Variants in NLRP5 observed in about 807,000 individuals in gnomAD.
NLRP5 encodes NLR family pyrin domain containing 5.
NLRP5 carries 93 observed loss-of-function variants against 113.1 expected under a neutral mutation model. The ratio of observed to expected loss-of-function variants is 0.82; its 90% CI spans 0.70 to 0.98. The LOEUF (loss-of-function observed/expected upper bound fraction) is 0.98. Ranked by LOEUF, NLRP5 falls within the 50% of genes least tolerant of loss-of-function variation. The pLI is 0.00. For synonymous variants in NLRP5, 751 were observed against 600.7 expected (o/e 1.25, Z -3.66); for missense variants, 1,808 against 1,514.3 (o/e 1.19, Z -3.22).
At chr19:56,043,236 G>A (rs186347898) in intron 11 of NLRP5, among the ~76,000 whole-genome samples, 4 of 152,176 alleles carry the variant, frequency 2.6e-5, no homozygotes, top group African/African-American at 4.8e-5. Context: ...GAGTGGATGC[G>A]TTCCCTGATC....
intron 13 of NLRP5, among the ~76,000 whole-genome samples, chr19:56,054,166 A>AT (rs1173940634): frequency 2.0e-5 from 3 of 152,180 alleles, no homozygotes; most frequent in Non-Finnish European, 2.9e-5. Flanking sequence ...AAAGCAAGTG[A>AT]TTACCTGAGT....
the NLRP5 span, chr19:55,988,094 A>G: frequency 5.4e-6 from 3 of 555,888 alleles, no homozygotes; most frequent in Admixed American, 5.6e-5. Flanking sequence ...CCCTGTGTGT[A>G]TTAATATGCT....
chr19:56,022,527 C>G (rs1041288585), intron 6 of NLRP5, among the ~76,000 whole-genome samples: 30 of 152,138 alleles, frequency 2.0e-4, no homozygotes, highest in Admixed American at 1.3e-4. Context: ...CTACGCCCAG[C>G]CAATCCCTAC....
the NLRP5 span, among the ~76,000 whole-genome samples, chr19:55,986,775 A>C: frequency 6.6e-6 from 1 of 151,570 alleles, no homozygotes; most frequent in Non-Finnish European, 1.5e-5. Flanking sequence ...CGTGATTGCC[A>C]GCTGGCCCAG....
the NLRP5 span, chr19:55,988,139 C>A: frequency 1.3e-5 from 5 of 387,992 alleles, no homozygotes; most frequent in East Asian, 2.5e-4. Context: ...ACGCCTGTAA[C>A]CCAGCACTAT....
intron 14 of NLRP5, among the ~76,000 whole-genome samples, chr19:56,060,202 A>G (rs1984300324): frequency 6.6e-6 from 1 of 152,242 alleles, no homozygotes. Context: ...GAAGTAGGAT[A>G]GAAGTCAGAC....
At chr19:55,991,466 A>G in the NLRP5 span, among the ~76,000 whole-genome samples, 1 of 152,104 alleles carries the variant, frequency 6.6e-6, no homozygotes, top group African/African-American at 2.4e-5. Flanking sequence ...TGTGTTGGGA[A>G]TCTGCCTCTG....
chr19:56,043,980 A>T (rs1463655037), intron 11 of NLRP5, among the ~76,000 whole-genome samples: 1 of 151,380 alleles, frequency 6.6e-6, no homozygotes, highest in African/African-American at 2.4e-5. Context: ...TTGGTCATGA[A>T]ATCCTTGCCT....
intron 13 of NLRP5, among the ~76,000 whole-genome samples, chr19:56,056,305 C>T (rs997166362): frequency 6.6e-6 from 1 of 152,114 alleles, no homozygotes; most frequent in Non-Finnish European, 1.5e-5. Flanking sequence ...TGACTGTCAT[C>T]CCAGCACTAT....
chr19:55,999,532 G>A (rs73617424), upstream of NLRP5, among the ~76,000 whole-genome samples: 1,791 of 152,050 alleles, frequency 0.012, 30 homozygotes, highest in African/African-American at 0.041. Context: ...AGGACGTCTC[G>A]GTCTGGCAGG....
the NLRP5 span, chr19:55,988,173 C>T: frequency 7.9e-6 from 2 of 251,786 alleles, no homozygotes; most frequent in South Asian, 6.8e-5. Flanking sequence ...GGGCAGATTA[C>T]CTGAGGTCAG....
At chr19:56,028,871 TCTC>T (rs1322999768) in intron 7 of NLRP5, among the ~76,000 whole-genome samples, 2 of 152,054 alleles carry the variant, frequency 1.3e-5, no homozygotes, top group East Asian at 3.9e-4. Flanking sequence ...CTCAAGAGAT[TCTC>T]CTGCCTCAGG....
Position 56,029,057 on chromosome 19 carries a change from C to G in NLRP5, c.2276+548C>G, listed in dbSNP as rs1455878985. Among the ~76,000 whole-genome samples the G allele has an allele frequency of 5.9e-5, 9 of 151,690 alleles. No individual in the cohort carries two copies. The East Asian group carries it at 1.6e-3, about 27-fold the overall frequency. The stretch of plus-strand genomic sequence containing the variant: ...TGGGATTACAGGCATCAGCAAGCCC[C>G]TCCCATGAATGTGACCGCTCAGGTT... On this transcript the variant is annotated intron_variant, in intron 7 of 14. Transcript: ENST00000390649.
At chr19:56,057,773 T>C (rs1025257310) in intron 13 of NLRP5, among the ~76,000 whole-genome samples, 6 of 152,004 alleles carry the variant, frequency 3.9e-5, no homozygotes, top group Non-Finnish European at 8.8e-5. Flanking sequence ...TGCCTGTAAT[T>C]CCAGCACTTT....
intron 1 of NLRP5, among the ~76,000 whole-genome samples, chr19:56,001,824 C>CTG (rs1423050476): frequency 1.3e-5 from 2 of 152,184 alleles, no homozygotes; most frequent in Non-Finnish European, 2.9e-5. Context: ...TGACAAGCTG[C>CTG]TGTCTACCTG....
At chr19:56,056,976 C>T (rs1984178540) in intron 13 of NLRP5, among the ~76,000 whole-genome samples, 1 of 151,960 alleles carries the variant, frequency 6.6e-6, no homozygotes, top group Non-Finnish European at 1.5e-5. Flanking sequence ...CCCGTCTATA[C>T]TAAAAATACA....
intron 9 of NLRP5, among the ~76,000 whole-genome samples, chr19:56,034,978 G>T (rs1983259026): frequency 6.6e-6 from 1 of 152,146 alleles, no homozygotes; most frequent in East Asian, 1.9e-4. Context: ...TAGCTCAGTT[G>T]CTCAGGTTGG....
At chr19:56,023,892 AG>A (rs1312086116) in intron 6 of NLRP5, among the ~76,000 whole-genome samples, 3 of 152,162 alleles carry the variant, frequency 2.0e-5, no homozygotes, top group African/African-American at 7.2e-5. Flanking sequence ...ATTTGTGCAG[AG>A]AGACTCTTGC....
In NLRP5 at chr19:56,061,412, T is replaced by C. The variant is rs372525725; in HGVS notation, c.3487T>C (p.Tyr1163His). 43 of 1,613,852 alleles carry C rather than the reference T, an allele frequency of 2.7e-5. No individual in the cohort carries two copies. Among genetic ancestry groups the C allele is most frequent in the East Asian group, 1.3e-4 (6 of 44,896 alleles). The change falls in exon 15 of 15, where the codon TAC becomes CAC. Residue 1163 changes from tyrosine (Y) to histidine (H), a missense_variant. Transcript: ENST00000390649. ...CCTCCCCAGGCTGTGGAAATGGCAG[T>C]ACCCTGTGCAAATAAGGAAGCTGCT...
Sources: allele counts gnomAD v4.1 joint callset (sites outside exome capture counted in the v4.1 genomes callset), GRCh38; gene constraint gnomAD v4.1.1; transcripts MANE v1.5; gene names NCBI Gene and HGNC (gene_info 2026-07-23, HGNC 2026-07-21).